THRB: variants seen among roughly 807,000 people sequenced by gnomAD.
THRB encodes nuclear receptor subfamily 1 group A member 2.
THRB carries 12 observed loss-of-function variants against 47.8 expected under a neutral mutation model. That is an observed-to-expected ratio of 0.25 (90% CI 0.16 to 0.41). THRB has a LOEUF of 0.41. Ranked by LOEUF, THRB falls within the 10% of genes least tolerant of loss-of-function variation. THRB has a pLI of 1.00. For missense variants in THRB, 348 were observed against 589.2 expected (o/e 0.59, Z 4.24); for synonymous variants, 218 against 212.2 (o/e 1.03, Z -0.24).
chr3:24,340,486 CT>C (rs138578441), intron 1 of THRB, among the ~76,000 whole-genome samples: 20,632 of 144,060 alleles, frequency 0.14, 1,716 homozygotes, highest in East Asian at 0.29. Context: ...TATTAGTGGC[CT>C]TTTTTTTTTT....
intron 1 of THRB, among the ~76,000 whole-genome samples, chr3:24,436,319 C>A (rs2070944616): frequency 6.6e-6 from 1 of 152,068 alleles, no homozygotes; most frequent in South Asian, 2.1e-4. Context: ...ATAAGAACTA[C>A]ATACACCACT....
chr3:24,328,895 T>C (rs1404275957), intron 2 of THRB, among the ~76,000 whole-genome samples: 1 of 152,180 alleles, frequency 6.6e-6, no homozygotes, highest in East Asian at 1.9e-4. Flanking sequence ...TAGACTTTCA[T>C]GATCTGACTC....
intron 1 of THRB, among the ~76,000 whole-genome samples, chr3:24,463,417 T>A (rs2073865338): frequency 6.6e-6 from 1 of 152,142 alleles, no homozygotes; most frequent in Non-Finnish European, 1.5e-5. Context: ...CATGTGCGGC[T>A]AATTTTTTTT....
At chr3:24,185,356 A>C (rs1186496681) in intron 5 of THRB, among the ~76,000 whole-genome samples, 1 of 152,214 alleles carries the variant, frequency 6.6e-6, no homozygotes, top group Non-Finnish European at 1.5e-5. Context: ...AAAAGACTGA[A>C]ATGTAATAAG....
chr3:24,229,088 AT>A, intron 3 of THRB, 87 bp from the exon 4 acceptor site: 3 of 821,528 alleles, frequency 3.7e-6, no homozygotes, highest in Non-Finnish European at 4.2e-6. Context: ...ATATGCATTA[AT>A]TACCTTGAAG....
upstream of THRB, chr3:24,495,026 T>C (rs1000595054): frequency 6.6e-6 from 1 of 152,108 alleles, no homozygotes; most frequent in African/African-American, 2.4e-5. Flanking sequence ...GTCTCTCCAC[T>C]TTTATAGGCG....
At chr3:24,477,073 T>TA (rs1301761645) in intron 1 of THRB, among the ~76,000 whole-genome samples, 3 of 144,376 alleles carry the variant, frequency 2.1e-5, no homozygotes, top group Non-Finnish European at 4.5e-5. Context: ...ATCCAGGACA[T>TA]ACATATAAAG....
At chr3:24,146,918 T>C (rs939305018) in intron 6 of THRB, 96 bp from the exon 7 acceptor site, 4 of 1,129,536 alleles carry the variant, frequency 3.5e-6, no homozygotes, top group Non-Finnish European at 5.3e-6. Context: ...AGATGAATCG[T>C]TTTGGACCTT....
chr3:24,173,468 C>T (rs571942673), intron 5 of THRB, among the ~76,000 whole-genome samples: 58 of 152,270 alleles, frequency 3.8e-4, no homozygotes, highest in African/African-American at 1.3e-3. Flanking sequence ...ACTACCAGTA[C>T]CATAATACAC....
At chr3:24,292,914 A>T (rs1329213800) in intron 3 of THRB, among the ~76,000 whole-genome samples, 1 of 152,222 alleles carries the variant, frequency 6.6e-6, no homozygotes, top group African/African-American at 2.4e-5. Context: ...CAATGAAAAA[A>T]AACAGAACTT....
chr3:24,381,481 C>T (rs532851706), intron 1 of THRB, among the ~76,000 whole-genome samples: 1 of 152,118 alleles, frequency 6.6e-6, no homozygotes, highest in Non-Finnish European at 1.5e-5. Context: ...ATTGACCCAC[C>T]TAAGGTGAGA....
chr3:24,479,289 G>A (rs908192066), intron 1 of THRB, among the ~76,000 whole-genome samples: 5 of 152,206 alleles, frequency 3.3e-5, no homozygotes, highest in Non-Finnish European at 5.9e-5. Flanking sequence ...GGGACAGAGC[G>A]AGACTCCGTC....
intron 4 of THRB, among the ~76,000 whole-genome samples, chr3:24,207,382 C>T (rs1407622525): frequency 6.6e-6 from 1 of 152,138 alleles, no homozygotes; most frequent in African/African-American, 2.4e-5. Flanking sequence ...TAAACAGAAC[C>T]AATGACAAAA....
intron 3 of THRB, among the ~76,000 whole-genome samples, chr3:24,232,236 G>A (rs2048328386): frequency 6.6e-6 from 1 of 152,228 alleles, no homozygotes; most frequent in Admixed American, 6.5e-5. Context: ...TCATTCATTT[G>A]TTTGGTTATC....
rs1553650907 is a variant in THRB, at chr3:24,221,352, T to TTC, written c.22+7585_22+7586insGA. Among the ~76,000 whole-genome samples, 4 of 151,960 alleles carry TTC rather than the reference T, an allele frequency of 2.6e-5. No individual in the cohort carries two copies. In the South Asian group the frequency reaches 8.3e-4, roughly 32 times the overall value. ...TTAGGAGACTAGAGAGGAAGATACA[T>TTC]CCCCACATAACAGAACCTTGTTAAG... On this transcript the variant is annotated intron_variant, in intron 4 of 10. Transcript: ENST00000646209.
intron 1 of THRB, among the ~76,000 whole-genome samples, chr3:24,374,236 C>T (rs1227713269): frequency 1.3e-5 from 2 of 151,986 alleles, no homozygotes; most frequent in Non-Finnish European, 2.9e-5. Context: ...GTAGGCTCCA[C>T]TCAGAACCAA....
rs1434967312 is a variant in THRB at position 24,320,284 on chromosome 3, C to T, written c.-189+17016G>A. The stretch of plus-strand genomic sequence containing the variant: ...GTCCAATCGAAAGGAAAGAGATGCT[C>T]CAGAAAAATGTATTGTCTGCTCTTT... On this transcript the variant is annotated intron_variant, in intron 2 of 10. Transcript: ENST00000646209. Among the ~76,000 whole-genome samples the T allele has an allele frequency of 3.9e-5, 6 of 152,132 alleles. 1 individual carries two copies. The highest frequency in any genetic ancestry group is 3.9e-4 in the Admixed American group (6 of 15,270).
chr3:24,248,391 T>G (rs1462632535), intron 3 of THRB, among the ~76,000 whole-genome samples: 1 of 151,952 alleles, frequency 6.6e-6, no homozygotes, highest in East Asian at 1.9e-4. Flanking sequence ...AGGACATCAG[T>G]AGTTGTTTAA....
chr3:24,223,309 C>T (rs111620726), intron 4 of THRB, among the ~76,000 whole-genome samples: 8 of 152,130 alleles, frequency 5.3e-5, no homozygotes, highest in Non-Finnish European at 8.8e-5. Flanking sequence ...GTCATTCCTG[C>T]GTCTAATTAA....
Sources: allele counts gnomAD v4.1 joint callset (sites outside exome capture counted in the v4.1 genomes callset), GRCh38; gene constraint gnomAD v4.1.1; transcripts MANE v1.5; gene names NCBI Gene and HGNC (gene_info 2026-07-23, HGNC 2026-07-21).